CNTN3: variants seen among roughly 807,000 people sequenced by gnomAD.
CNTN3 encodes contactin 3.
A neutral mutation model predicts 119.1 loss-of-function variants in CNTN3; 60 were observed. The observed-to-expected ratio is 0.50, with a 90% CI of 0.41 to 0.62. CNTN3 has a LOEUF of 0.62. Among genes scored for constraint, CNTN3 ranks in the 20% least tolerant of loss-of-function variants. The pLI is 0.00. For missense variants in CNTN3, 1,101 were observed against 1,242.4 expected, an observed-to-expected ratio of 0.89 and a Z score of 1.71; for synonymous variants, 450 against 438.7, an observed-to-expected ratio of 1.03 and a Z score of -0.32.
chr3:74,313,492 A>T (rs1350412399), intron 13 of CNTN3, among the ~76,000 whole-genome samples: 2 of 152,202 alleles, frequency 1.3e-5, no homozygotes, highest in East Asian at 1.9e-4. Context: ...CACTTTTTCC[A>T]TAGAGAGGTG....
chr3:74,371,291 G>A lies in CNTN3; in HGVS notation c.563C>T (p.Pro188Leu), dbSNP rs978191496. The change falls in exon 6 of 23, where the codon CCG becomes CTG. Residue 188 changes from proline to leucine, a missense_variant. Pro to Leu is a moderately conservative substitution (Grantham distance 98). Coordinates refer to ENST00000263665, the MANE Select transcript of CNTN3 (RefSeq NM_020872.3). ...ACATGTGTAATTTCCCACATCAGAC[G>A]GCTCCACCTTAGATATGTAGAGGTG... ...TGHLYISKVE[P>L]SDVGNYTCVV... is the part of the protein sequence containing the mutation. 1.3e-5 allele frequency: 21 copies of A among 1,613,204 alleles called. No homozygotes were observed. Among genetic ancestry groups the A allele is most frequent in the Admixed American group, 1.0e-4 (6 of 59,870 alleles).
intron 20 of CNTN3, among the ~76,000 whole-genome samples, chr3:74,279,732 C>T (rs1052964642): frequency 6.6e-6 from 1 of 152,078 alleles, no homozygotes; most frequent in Non-Finnish European, 1.5e-5. Context: ...TCACAAATCA[C>T]CACTAAAAAA....
chr3:74,560,990 C>T (rs1336937026), intron 1 of CNTN3, among the ~76,000 whole-genome samples: 1 of 126,100 alleles, frequency 7.9e-6, no homozygotes, highest in East Asian at 2.3e-4. Context: ...AACACTTGGA[C>T]ACAGGGTGGG....
At chr3:74,499,236 C>A (rs1703118936) in intron 3 of CNTN3, among the ~76,000 whole-genome samples, 1 of 151,756 alleles carries the variant, frequency 6.6e-6, no homozygotes, top group Admixed American at 6.6e-5. Flanking sequence ...TTTTATTCTT[C>A]CTTACTTATT....
At chr3:74,424,798 C>T (rs1701670011) in intron 5 of CNTN3, 47 bp downstream of exon 5, 1 of 1,498,004 alleles carries the variant, frequency 6.7e-7, no homozygotes, top group Non-Finnish European at 9.3e-7. Flanking sequence ...GCAGGCCTTG[C>T]CCTGAACCTT....
chr3:74,306,237 C>T (rs1326169791), intron 13 of CNTN3, among the ~76,000 whole-genome samples: 2 of 139,614 alleles, frequency 1.4e-5, no homozygotes, highest in Non-Finnish European at 3.1e-5. Flanking sequence ...AAAAGAAACT[C>T]GGTAAAATTA....
chr3:74,276,109 A>T (rs1701873577), intron 20 of CNTN3, among the ~76,000 whole-genome samples: 1 of 152,172 alleles, frequency 6.6e-6, no homozygotes. Flanking sequence ...TCCTAAACAT[A>T]TATGCACCTA....
At chr3:74,328,394 A>T (rs1703180528) in intron 13 of CNTN3, among the ~76,000 whole-genome samples, 1 of 152,210 alleles carries the variant, frequency 6.6e-6, no homozygotes, top group Non-Finnish European at 1.5e-5. Flanking sequence ...ATGGAAATTA[A>T]CATTTGTTGC....
At chr3:74,289,264 C>G (rs1158611596) in intron 19 of CNTN3, among the ~76,000 whole-genome samples, 1 of 152,116 alleles carries the variant, frequency 6.6e-6, no homozygotes, top group Non-Finnish European at 1.5e-5. Context: ...TTTCCTTTTT[C>G]TTTATACTTA....
At chr3:74,325,269 C>T (rs1398346846) in intron 13 of CNTN3, among the ~76,000 whole-genome samples, 1 of 152,166 alleles carries the variant, frequency 6.6e-6, no homozygotes, top group Admixed American at 6.5e-5. Context: ...GTGAATTTCT[C>T]TAGCTAGAAA....
intron 5 of CNTN3, among the ~76,000 whole-genome samples, chr3:74,386,370 G>A (rs1456702743): frequency 2.0e-5 from 3 of 152,132 alleles, no homozygotes; most frequent in Non-Finnish European, 4.4e-5. Flanking sequence ...TGTAATCCCA[G>A]CACACTGGGA....
chr3:74,468,847 T>A (rs78640222), intron 4 of CNTN3, among the ~76,000 whole-genome samples: 3,448 of 152,166 alleles, frequency 0.023, 134 homozygotes, highest in African/African-American at 0.077. Context: ...TTGGGAGGGG[T>A]TTAAACATTA....
chr3:74,571,731 T>C (rs1704337784), intron 1 of CNTN3, among the ~76,000 whole-genome samples: 2 of 152,198 alleles, frequency 1.3e-5, no homozygotes, highest in South Asian at 4.1e-4. Context: ...ATTACATATA[T>C]TAGAAACCAT....
chr3:74,477,034 C>T (rs1702667899), intron 4 of CNTN3, among the ~76,000 whole-genome samples: 1 of 152,084 alleles, frequency 6.6e-6, no homozygotes, highest in Non-Finnish European at 1.5e-5. Flanking sequence ...ACATATATGG[C>T]TGGGAATTTT....
chr3:74,373,972 A>G (rs1704406087), intron 5 of CNTN3, among the ~76,000 whole-genome samples: 1 of 152,130 alleles, frequency 6.6e-6, no homozygotes, highest in Non-Finnish European at 1.5e-5. Context: ...AAAGCACAGA[A>G]CACAGTTGAC....
intron 4 of CNTN3, among the ~76,000 whole-genome samples, chr3:74,448,814 A>G (rs1381527408): frequency 4.6e-5 from 7 of 152,126 alleles, no homozygotes; most frequent in Non-Finnish European, 1.0e-4. Flanking sequence ...ATCCTTTGAA[A>G]AACAGTTTTT....
intron 1 of CNTN3, among the ~76,000 whole-genome samples, chr3:74,567,445 C>A (rs1211232236): frequency 6.7e-6 from 1 of 149,206 alleles, no homozygotes; most frequent in Non-Finnish European, 1.5e-5. Context: ...TTAACATGAG[C>A]TATCATGCCT....
intron 13 of CNTN3, among the ~76,000 whole-genome samples, chr3:74,316,131 T>G (rs1702825166): frequency 1.3e-5 from 2 of 152,020 alleles, no homozygotes; most frequent in South Asian, 4.1e-4. Context: ...ATAAGGAACT[T>G]AAATCAACAA....
intron 1 of CNTN3, among the ~76,000 whole-genome samples, chr3:74,526,858 T>C (rs140026859): frequency 1.8e-3 from 277 of 151,934 alleles, no homozygotes; most frequent in African/African-American, 6.5e-3. Flanking sequence ...ATTTAGATTA[T>C]GGCTTCTCTC....
Sources: gnomAD v4.1 joint callset for allele counts (sites outside exome capture counted in the v4.1 genomes callset) on GRCh38, gnomAD v4.1.1 for gene constraint, MANE v1.5 for transcripts, NCBI Gene and HGNC (gene_info 2026-07-23, HGNC 2026-07-21) for gene names.